The following NWD1 variants were observed in gnomAD, a reference collection of about 807,000 sequenced individuals.
The protein encoded by NWD1 is NACHT and WD repeat domain containing 1.
NWD1 carries 129 observed loss-of-function variants against 135.1 expected under a neutral mutation model. The observed-to-expected ratio is 0.96, with a 90% CI of 0.83 to 1.11. The LOEUF (loss-of-function observed/expected upper bound fraction) is 1.11, where lower values mean the gene tolerates loss of function less well. Ranked by LOEUF, NWD1 falls within the 50% of genes least tolerant of loss-of-function variation. NWD1 has a pLI of 0.00. For missense variants in NWD1, 1,740 were observed against 1,851.3 expected (o/e 0.94, Z 1.10); for synonymous variants, 773 against 786.0 (o/e 0.98, Z 0.28).
chr19:16,778,147 G>A (rs779026196), intron 11 of NWD1, among the ~76,000 whole-genome samples: 1 of 152,072 alleles, frequency 6.6e-6, no homozygotes, highest in Non-Finnish European at 1.5e-5. Context: ...CTCTGATTCA[G>A]CACCACCCAT....
At chr19:16,755,096 A>G (rs1968737406) in intron 6 of NWD1, among the ~76,000 whole-genome samples, 1 of 152,100 alleles carries the variant, frequency 6.6e-6, no homozygotes. Flanking sequence ...TATTTAAATG[A>G]TCTATTTATC....
At position 16,773,321 on chromosome 19, in the gene NWD1, A is replaced by G. The variant is rs762537699; in HGVS notation, c.2606A>G (p.Lys869Arg). The change falls in exon 11 of 19, where the codon AAA (lysine) becomes AGA (arginine). Residue 869 changes from lysine to arginine, a missense_variant and splice_region_variant. By Grantham distance (26) the Lys-to-Arg change is conservative (BLOSUM62 2). Transcript: ENST00000524140. ...CGGGCAACTCTCAGCGGCTGTCACAAAGGTGAGTCTCCCCAGCATAGCAAA... is the reference window on the plus strand; with the variant it reads ...CGGGCAACTCTCAGCGGCTGTCACAGAGGTGAGTCTCCCCAGCATAGCAAA... ...PLRATLSGCH[K>R]GITAMAWGVE... The G allele has an allele frequency of 1.9e-6, 3 of 1,611,434 alleles. No individual in the cohort carries two copies. Among genetic ancestry groups the G allele is most frequent in the South Asian group, 1.1e-5 (1 of 91,018 alleles).
Position 16,749,232 on chromosome 19 carries a change from A to G in NWD1, c.590A>G (p.Lys197Arg). The change falls in exon 6 of 19, where the codon AAA becomes AGA. Residue 197 changes from lysine (K) to arginine (R), a missense_variant. Coordinates refer to ENST00000524140, the MANE Select transcript of NWD1 (RefSeq NM_001007525.5). ...VFLREIQDLHKHILEDCALRM... is the reference protein window; with the variant it reads ...VFLREIQDLHRHILEDCALRM... ...CTTAGAGAGATCCAAGACCTCCACA[A>G]ACACATCCTTGAAGACTGCGCCCTT... The G allele has an allele frequency of 1.9e-6, 3 of 1,614,042 alleles. No homozygotes were observed. Among genetic ancestry groups the G allele is most frequent in the Non-Finnish European group, 2.5e-6 (3 of 1,179,980 alleles).
chr19:16,789,341 G>A (rs1970165060), intron 13 of NWD1, 151 bp downstream of exon 13: 5 of 625,886 alleles, frequency 8.0e-6, no homozygotes, highest in Non-Finnish European at 1.4e-5. Context: ...TGCTATAAGA[G>A]GTTTCAGACT....
rs555820024 is a variant in NWD1, at chr19:16,731,093, A to C, written c.-6-99A>C. The C allele has an allele frequency of 7.0e-4, 469 of 669,976 alleles. 2 individuals are homozygous for C. The highest frequency in any genetic ancestry group is 1.2e-3 in the Admixed American group (43 of 34,902). 41.5% of individuals were successfully genotyped at this position (669,976 alleles called of 1,614,324 possible). On this transcript the variant is annotated intron_variant, in intron 2 of 18. Coordinates refer to ENST00000524140, the MANE Select transcript of NWD1 (RefSeq NM_001007525.5). ...ATCCCATTCTCCACAAAAAAGGGGAAAAAAGACAAAAGTAAATCAATAAAA... is the reference window on the plus strand; with the variant it reads ...ATCCCATTCTCCACAAAAAAGGGGACAAAAGACAAAAGTAAATCAATAAAA...
intron 7 of NWD1, among the ~76,000 whole-genome samples, chr19:16,761,044 G>A (rs1968991798): frequency 6.6e-6 from 1 of 152,104 alleles, no homozygotes; most frequent in Non-Finnish European, 1.5e-5. Flanking sequence ...ACCCCTGGCA[G>A]CCACTCATCT....
chr19:16,795,731 A>C (rs887507112), intron 15 of NWD1, among the ~76,000 whole-genome samples: 2 of 152,076 alleles, frequency 1.3e-5, no homozygotes, highest in Non-Finnish European at 2.9e-5. Context: ...TTGCTCTTTT[A>C]GTTCCACCAT....
chr19:16,764,834 G>C (rs1012974273), intron 9 of NWD1, among the ~76,000 whole-genome samples, 200 bp from the exon 10 acceptor site: 6 of 152,160 alleles, frequency 3.9e-5, no homozygotes, highest in Non-Finnish European at 8.8e-5. Flanking sequence ...ACTGGTATCT[G>C]GTGGGTGGAG....
At chr19:16,735,128 G>A (rs557029258) in intron 3 of NWD1, among the ~76,000 whole-genome samples, 1 of 152,172 alleles carries the variant, frequency 6.6e-6, no homozygotes, top group African/African-American at 2.4e-5. Flanking sequence ...GGACAGTACG[G>A]AGTTCCCATA....
At chr19:16,777,563 AGGAGAGG>A in intron 11 of NWD1, among the ~76,000 whole-genome samples, 1 of 4,294 alleles carries the variant, frequency 2.3e-4, no homozygotes, top group Non-Finnish European at 4.2e-4. Flanking sequence ...GGGGAGGGGA[AGGAGAGG>A]AGGGGATAGG....
chr19:16,754,026 TATCC>T (rs57643593), intron 6 of NWD1, among the ~76,000 whole-genome samples: 25,613 of 144,620 alleles, frequency 0.18, 4,138 homozygotes, highest in African/African-American at 0.44. Flanking sequence ...ATCTTCCATC[TATCC>T]ATCCATCCAT....
At position 16,738,425 on chromosome 19, in the gene NWD1, C is replaced by T. The variant is rs970731995; in HGVS notation, c.198+1675C>T. 9.0e-5 allele frequency: 21 copies of T among 232,322 alleles called. No individual in the cohort carries two copies. The East Asian group carries it at 2.5e-3, about 28-fold the overall frequency. The allele number at this position is 232,322 out of a possible 1,614,324, so 14.4% of individuals were successfully genotyped here. A position where few individuals can be genotyped will look rare whatever the true frequency, so the allele number is the denominator to read the frequency against. ...CTCTACTAAAAATACACAAATTAGC[C>T]AGACGTGGTGGCACATGCCTGTGAT... On this transcript the variant is annotated intron_variant, in intron 4 of 18. Transcript: ENST00000524140.
In NWD1 at chr19:16,749,564, G is replaced by A; in HGVS notation, c.922G>A (p.Val308Ile). 1 of 1,613,502 alleles carries A rather than the reference G, an allele frequency of 6.2e-7. No homozygotes were observed. The change falls in exon 6 of 19, where the codon GTC becomes ATC. Residue 308 changes from valine to isoleucine, a missense_variant. Physicochemically the swap from Val to Ile is conservative, Grantham distance 29 (BLOSUM62 3). Transcript: ENST00000524140. Reference sequence around the variant, plus strand: ...CCACCACCTTTGGCAGAGCTCGGAGGTCATTCAGACCTTCTGCGGACGCCA... The same window carrying A: ...CCACCACCTTTGGCAGAGCTCGGAGATCATTCAGACCTTCTGCGGACGCCA... Reference protein sequence around the residue: ...IRHHLWQSSEVIQTFCGRQEL... With the variant: ...IRHHLWQSSEIIQTFCGRQEL...
Position 16,808,614 on chromosome 19 carries a change from A to AT in NWD1, c.4287+488dup, listed in dbSNP as rs369581735. On this transcript the variant is annotated intron_variant, in intron 18 of 18. Coordinates refer to ENST00000524140, the MANE Select transcript of NWD1 (RefSeq NM_001007525.5). Reference sequence around the variant, plus strand: ...CAGAAGCAAAGTTTTTTTTGTTTTCATTTTTTTTTTAAAGAGACAGGGACC... The same window carrying AT: ...CAGAAGCAAAGTTTTTTTTGTTTTCATTTTTTTTTTTAAAGAGACAGGGACC... 1.8e-3 allele frequency among the ~76,000 whole-genome samples: 269 copies of AT among 149,390 alleles called. 2 individuals are homozygous for AT. The highest frequency in any genetic ancestry group is 4.8e-3 in the African/African-American group (197 of 40,748).
At chr19:16,802,176 C>T (rs1970621133) in intron 17 of NWD1, among the ~76,000 whole-genome samples, 1 of 151,362 alleles carries the variant, frequency 6.6e-6, no homozygotes, top group African/African-American at 2.4e-5. Context: ...CCCAGCTGTT[C>T]AGGAGGGAGG....
intron 16 of NWD1, among the ~76,000 whole-genome samples, 154 bp from the exon 17 acceptor site, chr19:16,799,732 T>A (rs1188804713): frequency 6.6e-6 from 1 of 152,146 alleles, no homozygotes; most frequent in Non-Finnish European, 1.5e-5. Context: ...GGTCTCGAAC[T>A]CCTGACCTCA....
chr19:16,749,252 G>A lies in NWD1; in HGVS notation c.610G>A (p.Ala204Thr), dbSNP rs372464599. Residue 204 changes from alanine (A) to threonine (T), a missense_variant, in exon 6 of 19, where the codon GCC (alanine) becomes ACC (threonine). By Grantham distance (58) the Ala-to-Thr change is moderately conservative (BLOSUM62 0). Transcript: ENST00000524140. The stretch of plus-strand genomic sequence containing the variant: ...CCACAAACACATCCTTGAAGACTGC[G>A]CCCTTAGGATGGTGGACCGGCTCGC... ...DLHKHILEDC[A>T]LRMVDRLADG... The A allele has an allele frequency of 2.2e-5, 36 of 1,613,898 alleles. 1 individual carries two copies. The highest frequency in any genetic ancestry group is 1.4e-4 in the South Asian group (13 of 91,082).
At chr19:16,754,071 T>G (rs1968685263) in intron 6 of NWD1, among the ~76,000 whole-genome samples, 1 of 149,838 alleles carries the variant, frequency 6.7e-6, no homozygotes, top group Non-Finnish European at 1.5e-5. Flanking sequence ...CATCTCGATC[T>G]TCCTTCCATC....
intron 12 of NWD1, 103 bp downstream of exon 12, chr19:16,779,568 C>G: frequency 9.2e-7 from 1 of 1,090,288 alleles, no homozygotes; most frequent in South Asian, 1.3e-5. Flanking sequence ...AAACCCTGGC[C>G]TTTGTTCCTG....
Sources: allele counts gnomAD v4.1 joint callset (sites outside exome capture counted in the v4.1 genomes callset), GRCh38; gene constraint gnomAD v4.1.1; transcripts MANE v1.5; gene names NCBI Gene and HGNC (gene_info 2026-07-23, HGNC 2026-07-21).